The following NET1 variants were observed in gnomAD, a reference collection of about 807,000 sequenced individuals.
NET1 encodes the protein neuroepithelial cell transforming 1.
NET1 carries 42 observed loss-of-function variants against 61.1 expected under a neutral mutation model. The observed-to-expected ratio is 0.69, with a 90% CI of 0.54 to 0.89. The LOEUF (loss-of-function observed/expected upper bound fraction) is 0.89. Among genes scored for constraint, NET1 ranks in the 40% least tolerant of loss-of-function variants. The probability of loss-of-function intolerance (pLI) is 0.00; values close to 1 mark genes in which losing one functional copy is unlikely to be tolerated. For missense variants in NET1, 654 were observed against 747.3 expected (o/e 0.88, Z 1.46); for synonymous variants, 254 against 281.8 (o/e 0.90, Z 0.99).
rs991157018 is a variant in NET1, at chr10:5,440,005, G to A, written c.255+10776G>A. Among the ~76,000 whole-genome samples, 14 of 152,188 alleles carry A rather than the reference G, an allele frequency of 9.2e-5. No homozygotes were observed. The highest frequency in any genetic ancestry group is 2.7e-4 in the African/African-American group (11 of 41,432). ...TGCAACACCTGTCCTTTCCTGTAGC[G>A]GGGAGATCCCAGAAAGCCTCAGGCC... On this transcript the variant is annotated intron_variant, in intron 3 of 11. Transcript: ENST00000355029. The surrounding 1 kb of genome is among the most constrained non-coding windows in gnomAD (Gnocchi z 4.1).
Position 5,454,625 on chromosome 10 carries a change from T to C in NET1, c.1026+103T>C. The C allele has an allele frequency of 7.4e-7, 1 of 1,359,472 alleles. No individual in the cohort carries two copies. 84.2% of individuals were successfully genotyped at this position (1,359,472 alleles called of 1,614,324 possible). A position where few individuals can be genotyped will look rare whatever the true frequency, so the allele number is the denominator to read the frequency against. On this transcript the variant is annotated intron_variant, in intron 9 of 11. Coordinates refer to ENST00000355029, the MANE Select transcript of NET1 (RefSeq NM_001047160.3). This position sits in a 1 kb window ranked among gnomAD's most constrained non-coding sequence, Gnocchi z 8.1. ...TGCTGATTCACATCAGCATAGTGAATTGTTTTGTTGTTTTAAGTACCCAGT... is the reference window on the plus strand; with the variant it reads ...TGCTGATTCACATCAGCATAGTGAACTGTTTTGTTGTTTTAAGTACCCAGT...
chr10:5,424,516 G>GA lies in NET1; in HGVS notation c.129-2132dup, dbSNP rs1046527813. On this transcript the variant is annotated intron_variant, in intron 1 of 11. Coordinates refer to ENST00000355029, the MANE Select transcript of NET1 (RefSeq NM_001047160.3). The surrounding 1 kb of genome is among the most constrained non-coding windows in gnomAD (Gnocchi z 6.1). The stretch of plus-strand genomic sequence containing the variant: ...ATACTTTGTTCCAGGGTTTTCTCAA[G>GA]AAAAAAATACCATTTTCTTTGTTGA... Among the ~76,000 whole-genome samples the GA allele has an allele frequency of 1.3e-4, 20 of 151,850 alleles. No homozygotes were observed. The highest frequency in any genetic ancestry group is 4.3e-4 in the African/African-American group (18 of 41,430).
At position 5,458,049 on chromosome 10, in the gene NET1, A is replaced by T. The variant is rs1832836505; in HGVS notation, c.*1055A>T. ...TTTCACAAGTGTGAAAGGAGATAGG[A>T]GAAGCTCAACTTGAGGGCGTGTAGT... On this transcript the variant is annotated 3_prime_UTR_variant, in exon 12 of 12. Coordinates refer to ENST00000355029, the MANE Select transcript of NET1 (RefSeq NM_001047160.3). This position sits in a 1 kb window ranked among gnomAD's most constrained non-coding sequence, Gnocchi z 4.5. 4 of 152,190 alleles carry T rather than the reference A, an allele frequency of 2.6e-5. No individual in the cohort carries two copies. The allele number at this position is 152,190 out of a possible 1,614,324, so 9.4% of individuals were successfully genotyped here. A position where few individuals can be genotyped will look rare whatever the true frequency, so the allele number is the denominator to read the frequency against.
At chr10:5,438,756 G>A (rs886070073) in intron 3 of NET1, among the ~76,000 whole-genome samples, 1 of 152,104 alleles carries the variant, frequency 6.6e-6, no homozygotes, top group African/African-American at 2.4e-5. Flanking sequence ...GTATTATCCT[G>A]ATAACTAAAG....
rs1307199514 is a variant in NET1, at chr10:5,447,624, T to C, written c.256-4206T>C. On this transcript the variant is annotated intron_variant, in intron 3 of 11. Coordinates refer to ENST00000355029, the MANE Select transcript of NET1 (RefSeq NM_001047160.3). This position sits in a 1 kb window ranked among gnomAD's most constrained non-coding sequence, Gnocchi z 4.1. ...GTCTCTATACACACGTCAAAACTTATCTAATTGTGCATTTTAAATATGTAA... is the reference window on the plus strand; with the variant it reads ...GTCTCTATACACACGTCAAAACTTACCTAATTGTGCATTTTAAATATGTAA... Among the ~76,000 whole-genome samples, 1 of 152,236 alleles carries C rather than the reference T, an allele frequency of 6.6e-6. No individual in the cohort carries two copies. Among genetic ancestry groups the C allele is most frequent in the Non-Finnish European group, 1.5e-5 (1 of 68,052 alleles).
chr10:5,453,957 G>A lies in NET1; in HGVS notation c.769-308G>A, dbSNP rs1832752557. On this transcript the variant is annotated intron_variant, in intron 8 of 11. Transcript: ENST00000355029. This position sits in a 1 kb window ranked among gnomAD's most constrained non-coding sequence, Gnocchi z 4.9. ...GAAGGAATAGCCAAGCACATAAACAGTCTCAGGGCTGGTGGCAAATGGAGG... is the reference window on the plus strand; with the variant it reads ...GAAGGAATAGCCAAGCACATAAACAATCTCAGGGCTGGTGGCAAATGGAGG... 6.6e-6 allele frequency among the ~76,000 whole-genome samples: 1 copy of A among 152,190 alleles called. No individual in the cohort carries two copies.
At position 5,417,448 on chromosome 10, in the gene NET1, G is replaced by A. The variant is rs1010296874; in HGVS notation, c.128+4628G>A. On this transcript the variant is annotated intron_variant, in intron 1 of 11. Transcript: ENST00000355029. The surrounding 1 kb of genome is among the most constrained non-coding windows in gnomAD (Gnocchi z 5.5). Reference sequence around the variant, plus strand: ...CCTCTACGCAGCACTTCCCTGCCCCGCTTTGTATCACTTTATTTTCAGTTT... The same window carrying A: ...CCTCTACGCAGCACTTCCCTGCCCCACTTTGTATCACTTTATTTTCAGTTT... Among the ~76,000 whole-genome samples the A allele has an allele frequency of 2.0e-5, 3 of 152,228 alleles. No homozygotes were observed. Among genetic ancestry groups the A allele is most frequent in the Admixed American group, 6.5e-5 (1 of 15,300 alleles).
In NET1 at chr10:5,437,908, T is replaced by C. The variant is rs1201140117; in HGVS notation, c.255+8679T>C. Among the ~76,000 whole-genome samples, 5 of 152,194 alleles carry C rather than the reference T, an allele frequency of 3.3e-5. No individual in the cohort carries two copies. Among genetic ancestry groups the C allele is most frequent in the African/African-American group, 1.2e-4 (5 of 41,460 alleles). On this transcript the variant is annotated intron_variant, in intron 3 of 11. Transcript: ENST00000355029. This position sits in a 1 kb window ranked among gnomAD's most constrained non-coding sequence, Gnocchi z 4.3. ...AGACTGAAATCATACAGACTAATTT[T>C]TTTAACACAGAGAGTGAAACTAAAA...
chr10:5,458,370 A>G lies in NET1; in HGVS notation c.*1376A>G, dbSNP rs905946627. 6.6e-6 allele frequency: 1 copy of G among 152,522 alleles called. No individual in the cohort carries two copies. The highest frequency in any genetic ancestry group is 2.4e-5 in the African/African-American group (1 of 41,410). 9.4% of individuals were successfully genotyped at this position (152,522 alleles called of 1,614,324 possible). On this transcript the variant is annotated 3_prime_UTR_variant, in exon 12 of 12. Coordinates refer to ENST00000355029, the MANE Select transcript of NET1 (RefSeq NM_001047160.3). This position sits in a 1 kb window ranked among gnomAD's most constrained non-coding sequence, Gnocchi z 4.5. ...TGTGAAATATATTTGGCCAGTGGAA[A>G]TGATAATCAGAAAAGACTGTAAATA... is the stretch of plus-strand genomic sequence containing the variant.
In NET1 at chr10:5,417,796, G is replaced by A. The variant is rs1205882435; in HGVS notation, c.128+4976G>A. 1.3e-5 allele frequency among the ~76,000 whole-genome samples: 2 copies of A among 152,158 alleles called. No individual in the cohort carries two copies. Among genetic ancestry groups the A allele is most frequent in the Non-Finnish European group, 2.9e-5 (2 of 68,022 alleles). On this transcript the variant is annotated intron_variant, in intron 1 of 11. Coordinates refer to ENST00000355029, the MANE Select transcript of NET1 (RefSeq NM_001047160.3). The surrounding 1 kb of genome is among the most constrained non-coding windows in gnomAD (Gnocchi z 5.5). ...ACAATCTTTCACCATTAAGTATGAT[G>A]TTAGTTGTAAGCTTTGTAGATGTCC...
chr10:5,414,809 G>C (rs990043019), intron 1 of NET1, among the ~76,000 whole-genome samples: 2 of 152,180 alleles, frequency 1.3e-5, no homozygotes, highest in South Asian at 2.1e-4. Context: ...TCAAGGTAGA[G>C]GATTTAGCCT....
chr10:5,428,499 C>CAAAAA (rs11459465), intron 2 of NET1, among the ~76,000 whole-genome samples: 21 of 147,730 alleles, frequency 1.4e-4, no homozygotes, highest in Non-Finnish European at 1.6e-4. Flanking sequence ...TGTTCCTTTT[C>CAAAAA]AAAAAAAAAA....
At position 5,421,346 on chromosome 10, in the gene NET1, T is replaced by C. The variant is rs1382579149; in HGVS notation, c.129-5309T>C. On this transcript the variant is annotated intron_variant, in intron 1 of 11. Coordinates refer to ENST00000355029, the MANE Select transcript of NET1 (RefSeq NM_001047160.3). This position sits in a 1 kb window ranked among gnomAD's most constrained non-coding sequence, Gnocchi z 4.2. ...AAATACATACTGATCCTTTTAAGGATTTTATATTTTCCTTTTTTGCAGATT... is the reference window on the plus strand; with the variant it reads ...AAATACATACTGATCCTTTTAAGGACTTTATATTTTCCTTTTTTGCAGATT... Among the ~76,000 whole-genome samples the C allele has an allele frequency of 6.6e-6, 1 of 152,254 alleles. No homozygotes were observed. The highest frequency in any genetic ancestry group is 1.5e-5 in the Non-Finnish European group (1 of 68,050).
rs1390944565 is a variant in NET1, at chr10:5,416,885, G to A, written c.128+4065G>A. 4.6e-5 allele frequency among the ~76,000 whole-genome samples: 7 copies of A among 152,126 alleles called. No individual in the cohort carries two copies. The highest frequency in any genetic ancestry group is 3.2e-3 in the Middle Eastern group (1 of 316). ...CAGGGTACTCTTAGTTTAGCCATCC[G>A]TAGGCGGCTTGTATTCATCAGCTCA... On this transcript the variant is annotated intron_variant, in intron 1 of 11. Coordinates refer to ENST00000355029, the MANE Select transcript of NET1 (RefSeq NM_001047160.3). This position sits in a 1 kb window ranked among gnomAD's most constrained non-coding sequence, Gnocchi z 6.1.
rs577053428 is a variant in NET1 at position 5,444,911 on chromosome 10, T to C, written c.256-6919T>C. 6.6e-6 allele frequency among the ~76,000 whole-genome samples: 1 copy of C among 152,346 alleles called. No individual in the cohort carries two copies. The highest frequency in any genetic ancestry group is 1.9e-4 in the East Asian group (1 of 5,184). On this transcript the variant is annotated intron_variant, in intron 3 of 11. Transcript: ENST00000355029. This position sits in a 1 kb window ranked among gnomAD's most constrained non-coding sequence, Gnocchi z 5.3. Reference sequence around the variant, plus strand: ...TTCTTTCAAAGCTTGTTCCTTCTTATTTCTTGATTTGCACTAACAGTTACC... The same window carrying C: ...TTCTTTCAAAGCTTGTTCCTTCTTACTTCTTGATTTGCACTAACAGTTACC...
Position 5,435,761 on chromosome 10 carries a change from T to G in NET1, c.255+6532T>G, listed in dbSNP as rs1292393693. 6.6e-6 allele frequency among the ~76,000 whole-genome samples: 1 copy of G among 152,190 alleles called. No homozygotes were observed. Among genetic ancestry groups the G allele is most frequent in the Non-Finnish European group, 1.5e-5 (1 of 68,030 alleles). On this transcript the variant is annotated intron_variant, in intron 3 of 11. Coordinates refer to ENST00000355029, the MANE Select transcript of NET1 (RefSeq NM_001047160.3). This position sits in a 1 kb window ranked among gnomAD's most constrained non-coding sequence, Gnocchi z 5.0. ...ATGTTATGGATCATTAGCTATTTTG[T>G]CTTGAAGCTGTGATTGTTTATCAAA...
rs529966554 is a variant in NET1 at position 5,414,745 on chromosome 10, G to A, written c.128+1925G>A. Among the ~76,000 whole-genome samples the A allele has an allele frequency of 4.9e-4, 74 of 152,322 alleles. 2 individuals are homozygous for A. In the East Asian group the frequency reaches 0.013, roughly 28 times the overall value. The stretch of plus-strand genomic sequence containing the variant: ...GGGAGAGGTTGAACAGACAGTAGAG[G>A]AGAAAAATGGTTGAACAAGGATCCA... On this transcript the variant is annotated intron_variant, in intron 1 of 11. Coordinates refer to ENST00000355029, the MANE Select transcript of NET1 (RefSeq NM_001047160.3).
In NET1 at chr10:5,454,786, G is replaced by C. The variant is rs776350845; in HGVS notation, c.1027-162G>C. ...CAAATCACTCAATTTGGCTAGGACT[G>C]TTTCTTGATCTATAAAATGAACAGA... On this transcript the variant is annotated intron_variant, in intron 9 of 11. Transcript: ENST00000355029. The surrounding 1 kb of genome is among the most constrained non-coding windows in gnomAD (Gnocchi z 8.1). Among the ~76,000 whole-genome samples, 1 of 152,202 alleles carries C rather than the reference G, an allele frequency of 6.6e-6. No homozygotes were observed. The highest frequency in any genetic ancestry group is 2.4e-5 in the African/African-American group (1 of 41,450).
intron 3 of NET1, among the ~76,000 whole-genome samples, chr10:5,438,608 C>A (rs1482601170): frequency 1.3e-5 from 2 of 152,112 alleles, no homozygotes; most frequent in African/African-American, 4.8e-5. Flanking sequence ...AACCTCTCAA[C>A]AAAGAAAAGC....
Sources: gnomAD v4.1 joint callset for allele counts (sites outside exome capture counted in the v4.1 genomes callset) on GRCh38, gnomAD v4.1.1 for gene constraint, Gnocchi (gnomAD v3.1) non-coding constraint, MANE v1.5 for transcripts, NCBI Gene and HGNC (gene_info 2026-07-23, HGNC 2026-07-21) for gene names.